Variants in TMCC2 observed in about 807,000 individuals in gnomAD.
TMCC2 encodes transmembrane and coiled-coil domains protein 2.
A neutral mutation model predicts 49.4 loss-of-function variants in TMCC2; 16 were observed. That is an observed-to-expected ratio of 0.32 (90% CI 0.22 to 0.49). TMCC2 has a LOEUF of 0.49. TMCC2 is among the 20% of genes least tolerant of loss of function. The pLI, the probability that TMCC2 is intolerant of heterozygous loss-of-function variation, is 0.99. For missense variants in TMCC2, 762 were observed against 989.8 expected (o/e 0.77, Z 3.09); for synonymous variants, 397 against 434.1 (o/e 0.91, Z 1.06).
intron 1 of TMCC2, among the ~76,000 whole-genome samples, chr1:205,237,347 TATAA>T (rs1351131846): frequency 3.3e-5 from 5 of 152,172 alleles, no homozygotes; most frequent in Non-Finnish European, 7.4e-5. Flanking sequence ...ATAGAGACCC[TATAA>T]ATAGAGGAAT....
intron 2 of TMCC2, among the ~76,000 whole-genome samples, chr1:205,254,094 C>T (rs1349225248): frequency 6.6e-6 from 1 of 152,220 alleles, no homozygotes; most frequent in Non-Finnish European, 1.5e-5. Flanking sequence ...CTCCTGCCTC[C>T]TCACAGTTGT....
rs755946372 is a variant in TMCC2, at chr1:205,228,636, C to G, written c.72C>G (p.Ala24=). 1.7e-5 allele frequency: 28 copies of G among 1,613,046 alleles called. No homozygotes were observed. Among genetic ancestry groups the G allele is most frequent in the Non-Finnish European group, 2.3e-5 (27 of 1,179,790 alleles). ...AGGATGGAGCTGGGCTGGAAGATGC[C>G]GCTTCCCACCTGCCGGGCGCGGACC... ...GEEDGAGLED[A]ASHLPGADLR... is the part of the protein sequence containing the mutation. The change falls in exon 1 of 5, where the codon GCC becomes GCG. Residue 24 remains alanine, a synonymous_variant. Coordinates refer to ENST00000358024, the MANE Select transcript of TMCC2 (RefSeq NM_014858.4).
chr1:205,241,402 C>G lies in TMCC2; in HGVS notation c.208-103C>G, dbSNP rs1660256744. 8 of 1,237,306 alleles carry G rather than the reference C, an allele frequency of 6.5e-6. No homozygotes were observed. The highest frequency in any genetic ancestry group is 6.8e-6 in the Non-Finnish European group (6 of 887,472). 76.6% of individuals were successfully genotyped at this position (1,237,306 alleles called of 1,614,324 possible). On this transcript the variant is annotated intron_variant, in intron 1 of 4. Coordinates refer to ENST00000358024, the MANE Select transcript of TMCC2 (RefSeq NM_014858.4). This position sits in a 1 kb window ranked among gnomAD's most constrained non-coding sequence, Gnocchi z 7.3. ...TTCCAGGTTCAGATGGCTGCATTAG[C>G]TATGCCAGTCTACCAAGGACAGACC...
intron 2 of TMCC2, among the ~76,000 whole-genome samples, chr1:205,249,364 GC>G (rs949235506): frequency 2.0e-5 from 3 of 152,140 alleles, no homozygotes; most frequent in Admixed American, 6.5e-5. Flanking sequence ...TGAGTGAGGG[GC>G]CCCCCCAACC....
chr1:205,233,335 T>A lies in TMCC2; in HGVS notation c.207+4564T>A, dbSNP rs78552174. Among the ~76,000 whole-genome samples, 21 of 152,354 alleles carry A rather than the reference T, an allele frequency of 1.4e-4. No homozygotes were observed. The East Asian group carries it at 3.5e-3, about 25-fold the overall frequency. ...GGAGCTCCAAATTCCATCATTCCCC[T>A]CCTGGTTTGAAGCACTTTTGACTCA... On this transcript the variant is annotated intron_variant, in intron 1 of 4. Transcript: ENST00000358024.
At chr1:205,248,313 G>A (rs1421157096) in intron 2 of TMCC2, among the ~76,000 whole-genome samples, 1 of 152,250 alleles carries the variant, frequency 6.6e-6, no homozygotes, top group African/African-American at 2.4e-5. Flanking sequence ...GGAGGCTGAG[G>A]TGGGAGGATC....
chr1:205,255,972 C>T (rs1412664687), intron 2 of TMCC2, among the ~76,000 whole-genome samples: 1 of 152,200 alleles, frequency 6.6e-6, no homozygotes, highest in Non-Finnish European at 1.5e-5. Context: ...TGCCAGGCTT[C>T]TTCACAAACC....
In TMCC2 at chr1:205,271,375, C is replaced by T. The variant is rs561374832; in HGVS notation, c.1818+120C>T. 26 of 1,528,522 alleles carry T rather than the reference C, an allele frequency of 1.7e-5. 1 individual carries two copies. Among genetic ancestry groups the T allele is most frequent in the East Asian group, 1.1e-4 (5 of 44,032 alleles). 94.7% of individuals were successfully genotyped at this position (1,528,522 alleles called of 1,614,324 possible). On this transcript the variant is annotated intron_variant, in intron 4 of 4. Coordinates refer to ENST00000358024, the MANE Select transcript of TMCC2 (RefSeq NM_014858.4). ...CACAGGCTGGCCTGTTGGCCGGGGC[C>T]GATAGGCACATGGATGAAGAGGGCA...
chr1:205,264,535 A>G lies in TMCC2; in HGVS notation c.748-4415A>G, dbSNP rs942992529. ...AGTCTCGCTCTGTTGCCCAGGCTGC[A>G]GTGCAGTGGCGTGATCTCGGTTCAC... On this transcript the variant is annotated intron_variant, in intron 2 of 4. Coordinates refer to ENST00000358024, the MANE Select transcript of TMCC2 (RefSeq NM_014858.4). The surrounding 1 kb of genome is among the most constrained non-coding windows in gnomAD (Gnocchi z 4.2). 2.6e-5 allele frequency among the ~76,000 whole-genome samples: 4 copies of G among 151,574 alleles called. No individual in the cohort carries two copies. Among genetic ancestry groups the G allele is most frequent in the African/African-American group, 7.3e-5 (3 of 41,214 alleles).
chr1:205,235,164 T>C (rs1574829360), intron 1 of TMCC2, among the ~76,000 whole-genome samples: 1 of 152,044 alleles, frequency 6.6e-6, no homozygotes, highest in African/African-American at 2.4e-5. Context: ...AGGCAGAGGG[T>C]TGGAAGGCCC....
intron 1 of TMCC2, among the ~76,000 whole-genome samples, chr1:205,235,808 G>GC (rs1660016547): frequency 6.6e-6 from 1 of 152,174 alleles, no homozygotes; most frequent in South Asian, 2.1e-4. Context: ...GGTGGCTCAC[G>GC]CCTGTAATCC....
intron 2 of TMCC2, among the ~76,000 whole-genome samples, chr1:205,251,436 T>C (rs1660665006): frequency 6.6e-6 from 1 of 152,108 alleles, no homozygotes. Context: ...CATTTCCTCT[T>C]CCTTACAGTT....
chr1:205,236,434 C>T (rs1660052201), intron 1 of TMCC2: 1 of 152,200 alleles, frequency 6.6e-6, no homozygotes, highest in Admixed American at 6.5e-5. Context: ...GGATTAAAAT[C>T]ACCTTTGTAA....
chr1:205,257,400 C>A, intron 2 of TMCC2: 4 of 1,232,294 alleles, frequency 3.2e-6, no homozygotes, highest in Non-Finnish European at 4.0e-6. Context: ...GAGAGAATTT[C>A]ACCGGGCGGG....
chr1:205,229,967 A>G, intron 1 of TMCC2: 1 of 985,496 alleles, frequency 1.0e-6, no homozygotes, highest in Non-Finnish European at 1.2e-6. Flanking sequence ...CAAGGAAGGA[A>G]CTTAGATGCC....
Position 205,246,645 on chromosome 1 carries a change from T to A in TMCC2, c.747+4601T>A, listed in dbSNP as rs182071678. ...ATGAACCAGGTTGTTCAGCCCTTAATGAGCAGACACTCTGCATGTAGAGGC... is the reference window on the plus strand; with the variant it reads ...ATGAACCAGGTTGTTCAGCCCTTAAAGAGCAGACACTCTGCATGTAGAGGC... On this transcript the variant is annotated intron_variant, in intron 2 of 4. Transcript: ENST00000358024. 5 of 1,550,374 alleles carry A rather than the reference T, an allele frequency of 3.2e-6. No individual in the cohort carries two copies. In the Admixed American group the frequency reaches 9.8e-5, roughly 30 times the overall value.
At chr1:205,236,214 C>A (rs1660042253) in intron 1 of TMCC2, among the ~76,000 whole-genome samples, 1 of 152,158 alleles carries the variant, frequency 6.6e-6, no homozygotes, top group Non-Finnish European at 1.5e-5. Context: ...CCTCCCTAAG[C>A]CATTTGTGAA....
At chr1:205,271,391 G>A (rs1428105083) in intron 4 of TMCC2, 136 bp downstream of exon 4, 2 of 1,421,976 alleles carry the variant, frequency 1.4e-6, no homozygotes, top group South Asian at 1.2e-5. Flanking sequence ...GCACATGGAT[G>A]AAGAGGGCAG....
At chr1:205,243,160 G>C (rs902839548) in intron 2 of TMCC2, among the ~76,000 whole-genome samples, 1 of 152,174 alleles carries the variant, frequency 6.6e-6, no homozygotes, top group African/African-American at 2.4e-5. Context: ...GAGGTGGGTG[G>C]ATCACTTGAG....
Sources: allele counts gnomAD v4.1 joint callset (sites outside exome capture counted in the v4.1 genomes callset), GRCh38; gene constraint gnomAD v4.1.1; non-coding constraint Gnocchi (gnomAD v3.1); transcripts MANE v1.5; gene names NCBI Gene and HGNC (gene_info 2026-07-23, HGNC 2026-07-21).